Variants in CCDC175 observed in about 807,000 individuals in gnomAD.
The protein encoded by CCDC175 is coiled-coil domain-containing protein 175.
A neutral mutation model predicts 114.6 loss-of-function variants in CCDC175; 100 were observed. That is an observed-to-expected ratio of 0.87 (90% CI 0.74 to 1.03). The LOEUF (loss-of-function observed/expected upper bound fraction) is 1.03. Ranked by LOEUF, CCDC175 falls within the 50% of genes least tolerant of loss-of-function variation. CCDC175 has a pLI of 0.00. For missense variants in CCDC175, 880 were observed against 917.8 expected (o/e 0.96, Z 0.53); for synonymous variants, 306 against 308.7 (o/e 0.99, Z 0.09).
At chr14:59,563,889 A>T (rs1896368427) in intron 5 of CCDC175, 30 bp from the exon 6 acceptor site, 1 of 1,348,372 alleles carries the variant, frequency 7.4e-7, no homozygotes, top group Non-Finnish European at 9.5e-7. Context: ...AAACCAATTT[A>T]AAAAGCCTAT....
chr14:59,518,487 C>G (rs1893236602), intron 17 of CCDC175, among the ~76,000 whole-genome samples: 1 of 152,088 alleles, frequency 6.6e-6, no homozygotes, highest in East Asian at 1.9e-4. Context: ...AAAAAACAAG[C>G]CCATCAACAA....
intron 13 of CCDC175, among the ~76,000 whole-genome samples, chr14:59,535,864 C>G (rs746422323): frequency 2.2e-4 from 34 of 152,358 alleles, no homozygotes; most frequent in Admixed American, 2.0e-3. Flanking sequence ...CAATAGTTGG[C>G]TCCTTCAGGG....
rs1382831847 is a variant in CCDC175, at chr14:59,568,334, T to G, written c.402A>C (p.Thr134=). The change falls in exon 4 of 20, where the codon ACA becomes ACC. Residue 134 remains threonine (T), a synonymous_variant. Transcript: ENST00000537690. ...ARRLNLFEIN[T]IKMRITRTEN... is the part of the protein sequence containing the mutation. ...CTGTCCTTGTAATTCTCATTTTTAT[T>G]GTATTTATCTCAAAAAGATTTAATC... The G allele has an allele frequency of 1.3e-6, 2 of 1,532,470 alleles. No homozygotes were observed. The highest frequency in any genetic ancestry group is 2.4e-5 in the South Asian group (2 of 82,700). 94.9% of individuals were successfully genotyped at this position (1,532,470 alleles called of 1,614,324 possible). A position where few individuals can be genotyped will look rare whatever the true frequency, so the allele number is the denominator to read the frequency against.
chr14:59,551,519 C>T, intron 7 of CCDC175, 83 bp from the exon 8 acceptor site: 1 of 595,510 alleles, frequency 1.7e-6, no homozygotes, highest in South Asian at 2.4e-5. Context: ...GGAACAGCTG[C>T]AGTATACAGC....
intron 7 of CCDC175, among the ~76,000 whole-genome samples, chr14:59,552,356 AG>A (rs1422273243): frequency 6.6e-6 from 1 of 152,228 alleles, no homozygotes; most frequent in Non-Finnish European, 1.5e-5. Flanking sequence ...CCAGGCAAAC[AG>A]GGTCTGGAGT....
At chr14:59,531,136 A>AT (rs1894047693) in intron 14 of CCDC175, among the ~76,000 whole-genome samples, 1 of 151,720 alleles carries the variant, frequency 6.6e-6, no homozygotes, top group Admixed American at 6.6e-5. Flanking sequence ...AAAAAAAAAA[A>AT]GATTCTGGAT....
At chr14:59,537,824 A>T (rs974267250) in intron 13 of CCDC175, among the ~76,000 whole-genome samples, 199 bp downstream of exon 13, 24 of 152,300 alleles carry the variant, frequency 1.6e-4, no homozygotes, top group African/African-American at 5.5e-4. Context: ...GATTATTATT[A>T]TTATTTTTTC....
chr14:59,520,847 C>T (rs919273001), intron 17 of CCDC175, among the ~76,000 whole-genome samples: 11 of 152,076 alleles, frequency 7.2e-5, no homozygotes, highest in South Asian at 2.1e-4. Context: ...AGGTGATCGA[C>T]GGCAAAGGGA....
At chr14:59,542,147 G>A (rs1894828801) in intron 10 of CCDC175, among the ~76,000 whole-genome samples, 1 of 152,104 alleles carries the variant, frequency 6.6e-6, no homozygotes, top group Non-Finnish European at 1.5e-5. Flanking sequence ...CATACAATGA[G>A]CACAGAAAAA....
chr14:59,519,329 G>A, intron 17 of CCDC175, among the ~76,000 whole-genome samples: 1 of 151,920 alleles, frequency 6.6e-6, no homozygotes, highest in East Asian at 1.9e-4. Context: ...TAAAAAAAAA[G>A]TTCACTTGAA....
At chr14:59,525,208 T>C in intron 16 of CCDC175, 74 bp downstream of exon 16, 1 of 1,142,566 alleles carries the variant, frequency 8.8e-7, no homozygotes, top group Non-Finnish European at 1.2e-6. Flanking sequence ...ATTCTCTTCT[T>C]TTCTCTTATA....
At position 59,531,779 on chromosome 14, in the gene CCDC175, A is replaced by G; in HGVS notation, c.1755T>C (p.Ile585=). 2 of 1,490,402 alleles carry G rather than the reference A, an allele frequency of 1.3e-6. No homozygotes were observed. Among genetic ancestry groups the G allele is most frequent in the South Asian group, 2.6e-5 (2 of 77,506 alleles). 92.3% of individuals were successfully genotyped at this position (1,490,402 alleles called of 1,614,324 possible). Residue 585 remains isoleucine (I), a synonymous_variant, in exon 14 of 20, where the codon ATT becomes ATC. Transcript: ENST00000537690. ...TAAATGCTTCATATGTACCTGTAAT[A>G]ATATTACTGAGCTCTTCTAACTTTC... The part of the protein sequence containing the change: ...KRRKLEELSN[I]ITAQRQEEDL...
At chr14:59,550,314 C>T (rs1483383517) in intron 8 of CCDC175, among the ~76,000 whole-genome samples, 2 of 152,052 alleles carry the variant, frequency 1.3e-5, no homozygotes, top group Non-Finnish European at 2.9e-5. Context: ...ATTACTCACC[C>T]TCACCCCCAA....
intron 16 of CCDC175, among the ~76,000 whole-genome samples, chr14:59,523,661 G>T (rs915923419): frequency 2.6e-5 from 4 of 152,162 alleles, no homozygotes; most frequent in Admixed American, 6.5e-5. Flanking sequence ...AAGGATTTTA[G>T]AAATGGTATT....
rs71111652 is a variant in CCDC175 at position 59,573,618 on chromosome 14, GTT to G, written c.244-807_244-806del. Among the ~76,000 whole-genome samples, 52 of 108,950 alleles carry G rather than the reference GTT, an allele frequency of 4.8e-4. No homozygotes were observed. The East Asian group carries it at 5.3e-3, about 11-fold the overall frequency. The allele number at this position is 108,950 out of a possible 152,430, so 71.5% of individuals were successfully genotyped here. On this transcript the variant is annotated intron_variant, in intron 2 of 19. Coordinates refer to ENST00000537690, the MANE Select transcript of CCDC175 (RefSeq NM_001164399.2). Reference sequence around the variant, plus strand: ...GATTGATCTGGTTTTTTGTTTTTTTGTTTTTTTTTTTTTTGAGATGGAATCTC... The same window carrying G: ...GATTGATCTGGTTTTTTGTTTTTTTGTTTTTTTTTTTTGAGATGGAATCTC...
intron 17 of CCDC175, among the ~76,000 whole-genome samples, chr14:59,514,912 G>T (rs949487099): frequency 3.9e-5 from 6 of 152,208 alleles, no homozygotes; most frequent in Non-Finnish European, 7.3e-5. Context: ...AGGGCAGCCA[G>T]AGAGAAAGGT....
chr14:59,508,764 T>C (rs939493878), intron 19 of CCDC175, among the ~76,000 whole-genome samples: 2 of 151,948 alleles, frequency 1.3e-5, no homozygotes, highest in African/African-American at 4.8e-5. Context: ...TTAAATGATT[T>C]GAGGACACAA....
chr14:59,525,516 G>T, intron 15 of CCDC175, 82 bp from the exon 16 acceptor site: 1 of 948,088 alleles, frequency 1.1e-6, no homozygotes, highest in South Asian at 1.8e-5. Flanking sequence ...GTCACATTTG[G>T]AGCCAGATTC....
chr14:59,551,831 T>TGGCTCAGAGGATCCCACGCCC (rs1300656895), intron 7 of CCDC175, among the ~76,000 whole-genome samples: 25 of 152,356 alleles, frequency 1.6e-4, no homozygotes, highest in South Asian at 8.3e-4. Context: ...ATCCCGCGCA[T>TGGCTCAGAGGATCCCACGCCC]GGCTCAGAGG....
Sources: allele counts gnomAD v4.1 joint callset (sites outside exome capture counted in the v4.1 genomes callset), GRCh38; gene constraint gnomAD v4.1.1; transcripts MANE v1.5; gene names NCBI Gene and HGNC (gene_info 2026-07-23, HGNC 2026-07-21).